FAM98B: variants seen among roughly 807,000 people sequenced by gnomAD.
The protein encoded by FAM98B is tRNA splicing ligase complex subunit 3B, also known as tRNA-splicing ligase complex subunit FAM98B.
In FAM98B, 32 loss-of-function variants were observed where a neutral mutation model predicts 43.9. The observed-to-expected ratio is 0.73, with a 90% CI of 0.55 to 0.98. The LOEUF (loss-of-function observed/expected upper bound fraction) is 0.98. Among genes scored for constraint, FAM98B ranks in the 50% least tolerant of loss-of-function variants. The pLI, the probability that FAM98B is intolerant of heterozygous loss-of-function variation, is 0.00. For synonymous variants in FAM98B, 190 were observed against 174.0 expected, an observed-to-expected ratio of 1.09 and a Z score of -0.72; for missense variants, 514 against 522.9, an observed-to-expected ratio of 0.98 and a Z score of 0.17.
intron 1 of FAM98B, among the ~76,000 whole-genome samples, chr15:38,455,392 A>G (rs1889832157): frequency 1.3e-5 from 2 of 152,184 alleles, no homozygotes; most frequent in South Asian, 4.1e-4. Flanking sequence ...AGCTTGAACC[A>G]ATCCCACACC....
intron 2 of FAM98B, among the ~76,000 whole-genome samples, 176 bp downstream of exon 2, chr15:38,464,353 T>A (rs1889996050): frequency 1.3e-5 from 2 of 152,210 alleles, no homozygotes; most frequent in African/African-American, 2.4e-5. Flanking sequence ...AGAATTGATA[T>A]TTAAATTTGC....
chr15:38,460,960 A>G (rs1406468660), intron 1 of FAM98B, among the ~76,000 whole-genome samples: 7 of 152,186 alleles, frequency 4.6e-5, no homozygotes, highest in Non-Finnish European at 1.0e-4. Context: ...AATGTTAGCC[A>G]CTATTGCGAT....
intron 3 of FAM98B, among the ~76,000 whole-genome samples, chr15:38,467,838 A>G (rs1049001101): frequency 1.3e-5 from 2 of 152,220 alleles, no homozygotes; most frequent in Non-Finnish European, 2.9e-5. Context: ...GATAAATCAA[A>G]TGTGCTGATG....
chr15:38,454,296 C>A (rs1889813263), intron 1 of FAM98B, 64 bp downstream of exon 1: 1 of 1,523,318 alleles, frequency 6.6e-7, no homozygotes, highest in Non-Finnish European at 8.9e-7. Context: ...GGCTGCTTAG[C>A]CTACTTCCCT....
At position 38,476,725 on chromosome 15, in the gene FAM98B, A is replaced by G. The variant is rs1219975378; in HGVS notation, c.729+2427A>G. Among the ~76,000 whole-genome samples, 3 of 146,540 alleles carry G rather than the reference A, an allele frequency of 2.0e-5. No individual in the cohort carries two copies. In the South Asian group the frequency reaches 6.4e-4, roughly 31 times the overall value. ...TTGCTTTTTTTTTTTTTTGCTTTCA[A>G]TTATCTGTTTCCTCTAGCATAATTT... is the stretch of plus-strand genomic sequence containing the variant. On this transcript the variant is annotated intron_variant, in intron 6 of 7. Coordinates refer to ENST00000397609, the MANE Select transcript of FAM98B (RefSeq NM_173611.4).
chr15:38,466,597 A>G (rs1481854595), intron 3 of FAM98B, among the ~76,000 whole-genome samples: 1 of 152,180 alleles, frequency 6.6e-6, no homozygotes, highest in African/African-American at 2.4e-5. Flanking sequence ...TTTTCTGATT[A>G]TAAAAATAAC....
chr15:38,474,052 TG>T (rs1268901821), intron 5 of FAM98B, 129 bp from the exon 6 acceptor site: 2 of 622,082 alleles, frequency 3.2e-6, no homozygotes, highest in African/African-American at 3.7e-5. Flanking sequence ...TAAAGTCTCA[TG>T]GGAACAGAAA....
intron 4 of FAM98B, among the ~76,000 whole-genome samples, chr15:38,471,457 T>G (rs1326795218): frequency 6.6e-6 from 1 of 152,094 alleles, no homozygotes; most frequent in African/African-American, 2.4e-5. Context: ...TATTTCAGAT[T>G]GAGACAGATT....
intron 1 of FAM98B, among the ~76,000 whole-genome samples, chr15:38,456,145 A>G (rs1396526154): frequency 2.0e-5 from 3 of 152,228 alleles, no homozygotes; most frequent in Non-Finnish European, 2.9e-5. Flanking sequence ...ATGTGAAAGG[A>G]CAATTTAGTG....
intron 6 of FAM98B, among the ~76,000 whole-genome samples, chr15:38,478,629 G>A (rs1890240694): frequency 6.6e-6 from 1 of 152,084 alleles, no homozygotes; most frequent in African/African-American, 2.4e-5. Flanking sequence ...CTTTGACCCT[G>A]TAATAAAATC....
At chr15:38,458,483 C>T (rs1595795652) in intron 1 of FAM98B, among the ~76,000 whole-genome samples, 1 of 152,120 alleles carries the variant, frequency 6.6e-6, no homozygotes, top group African/African-American at 2.4e-5. Context: ...ACGCTATATG[C>T]TGGGGCCACA....
chr15:38,473,706 T>G, intron 5 of FAM98B, 121 bp downstream of exon 5: 1 of 703,278 alleles, frequency 1.4e-6, no homozygotes, highest in Non-Finnish European at 2.3e-6. Context: ...AGAATTAAAA[T>G]TGATTGATAT....
chr15:38,483,912 G>T (rs891448231), intron 7 of FAM98B, among the ~76,000 whole-genome samples: 1 of 151,818 alleles, frequency 6.6e-6, no homozygotes, highest in African/African-American at 2.4e-5. Flanking sequence ...GATCAGACGG[G>T]GTGATTGGCA....
chr15:38,462,049 G>A (rs1038937634), intron 1 of FAM98B, among the ~76,000 whole-genome samples: 3 of 152,126 alleles, frequency 2.0e-5, no homozygotes, highest in Non-Finnish European at 4.4e-5. Context: ...AAAATATGGT[G>A]CATCCAGACA....
chr15:38,466,965 T>C (rs2141055429), intron 3 of FAM98B, among the ~76,000 whole-genome samples: 1 of 152,296 alleles, frequency 6.6e-6, no homozygotes, highest in South Asian at 2.1e-4. Context: ...CGTTTTTCTC[T>C]TTATTTCCCT....
chr15:38,465,251 G>GA lies in FAM98B; in HGVS notation c.218-17dup, dbSNP rs773212381. ...GGTAAATGCTCAGTAAATGTTTTAT[G>GA]ATTTTTCTTTTTTAAAGGAAGAGAT... On this transcript the variant is annotated splice_polypyrimidine_tract_variant and intron_variant, in intron 2 of 7. Transcript: ENST00000397609. The GA allele has an allele frequency of 8.8e-6, 14 of 1,594,872 alleles. No individual in the cohort carries two copies. Among genetic ancestry groups the GA allele is most frequent in the Non-Finnish European group, 1.2e-5 (14 of 1,175,026 alleles).
At chr15:38,480,471 T>C (rs1433130947) in intron 6 of FAM98B, among the ~76,000 whole-genome samples, 2 of 152,190 alleles carry the variant, frequency 1.3e-5, no homozygotes, top group East Asian at 1.9e-4. Context: ...CAAACTGTTA[T>C]CTATACTAGA....
intron 1 of FAM98B, among the ~76,000 whole-genome samples, chr15:38,454,830 C>A (rs969264330): frequency 2.0e-5 from 3 of 152,160 alleles, no homozygotes; most frequent in Non-Finnish European, 4.4e-5. Flanking sequence ...GATAGTTTTT[C>A]AGATTACTCT....
At chr15:38,474,475 A>G (rs1356887832) in intron 6 of FAM98B, among the ~76,000 whole-genome samples, 177 bp downstream of exon 6, 1 of 152,206 alleles carries the variant, frequency 6.6e-6, no homozygotes, top group Non-Finnish European at 1.5e-5. Flanking sequence ...CCTGTTGCAT[A>G]TAACTTAATT....
Sources: allele counts gnomAD v4.1 joint callset (sites outside exome capture counted in the v4.1 genomes callset), GRCh38; gene constraint gnomAD v4.1.1; transcripts MANE v1.5; gene names NCBI Gene and HGNC (gene_info 2026-07-23, HGNC 2026-07-21).